The following NKAIN2 variants were observed in gnomAD, a reference collection of about 807,000 sequenced individuals.
NKAIN2 encodes sodium/potassium transporting ATPase interacting 2, also known as sodium/potassium-transporting ATPase subunit beta-1-interacting protein 2.
In NKAIN2, 14 loss-of-function variants were observed where a neutral mutation model predicts 32.6. The observed-to-expected ratio is 0.43, with a 90% confidence interval of 0.28 to 0.67. The LOEUF (loss-of-function observed/expected upper bound fraction) is 0.67, where lower values mean the gene tolerates loss of function less well. Ranked by LOEUF, NKAIN2 falls within the 30% of genes least tolerant of loss-of-function variation. The pLI is 0.17. For synonymous variants in NKAIN2, 80 were observed against 87.2 expected (o/e 0.92, Z 0.46); for missense variants, 198 against 258.3 (o/e 0.77, Z 1.60).
At chr6:123,818,544 A>C (rs1416799108) in intron 1 of NKAIN2, among the ~76,000 whole-genome samples, 1 of 152,212 alleles carries the variant, frequency 6.6e-6, no homozygotes, top group Non-Finnish European at 1.5e-5. Flanking sequence ...TTGCCAAAGA[A>C]GCATAATAAA....
intron 1 of NKAIN2, among the ~76,000 whole-genome samples, chr6:124,256,331 T>C (rs900880497): frequency 6.6e-6 from 1 of 152,218 alleles, no homozygotes; most frequent in African/African-American, 2.4e-5. Context: ...GGAGCTCTTA[T>C]GTACATATGT....
chr6:123,956,023 A>G (rs1380762733), intron 1 of NKAIN2, among the ~76,000 whole-genome samples: 1 of 152,228 alleles, frequency 6.6e-6, no homozygotes, highest in East Asian at 1.9e-4. Flanking sequence ...AAATGCATGG[A>G]TGCTTAACTT....
intron 3 of NKAIN2, among the ~76,000 whole-genome samples, chr6:124,557,724 C>T (rs187166028): frequency 2.3e-4 from 35 of 152,296 alleles, no homozygotes; most frequent in Non-Finnish European, 3.5e-4. Context: ...GCATAATTTA[C>T]GATGCCTGAC....
chr6:124,313,673 G>A (rs998765844), intron 2 of NKAIN2, among the ~76,000 whole-genome samples: 2 of 152,056 alleles, frequency 1.3e-5, no homozygotes, highest in Admixed American at 1.3e-4. Flanking sequence ...GTGGTATTGT[G>A]ATTTTCTCAC....
At chr6:124,358,913 A>G (rs1305918125) in intron 3 of NKAIN2, among the ~76,000 whole-genome samples, 14 of 151,232 alleles carry the variant, frequency 9.3e-5, no homozygotes, top group East Asian at 5.8e-4. Context: ...TAGGTCTAAC[A>G]TTTAAGTCTT....
rs572742166 is a variant in NKAIN2, at chr6:123,980,875, CT to C, written c.54+176634del. ...TGTTCTATGCTTTTTTTCACTTATC[CT>C]TTTTTTTTTTTTGAGATGGAGTCTT... On this transcript the variant is annotated intron_variant, in intron 1 of 6. Coordinates refer to ENST00000368417, the MANE Select transcript of NKAIN2 (RefSeq NM_001040214.3). 5.9e-3 allele frequency among the ~76,000 whole-genome samples: 842 copies of C among 142,810 alleles called. 9 individuals are homozygous for C. The highest frequency in any genetic ancestry group is 0.015 in the African/African-American group (605 of 39,234). 93.7% of individuals were successfully genotyped at this position (142,810 alleles called of 152,430 possible).
intron 1 of NKAIN2, among the ~76,000 whole-genome samples, chr6:124,175,323 A>T (rs1789102867): frequency 6.6e-6 from 1 of 152,204 alleles, no homozygotes. Context: ...AGGGAAAAAA[A>T]GAACAATATT....
intron 3 of NKAIN2, among the ~76,000 whole-genome samples, chr6:124,511,897 T>C (rs1444449200): frequency 6.6e-6 from 1 of 152,204 alleles, no homozygotes; most frequent in Non-Finnish European, 1.5e-5. Context: ...GACACACTTA[T>C]GCACCCTTGC....
intron 4 of NKAIN2, among the ~76,000 whole-genome samples, chr6:124,687,852 A>C (rs928815331): frequency 6.7e-6 from 1 of 149,828 alleles, no homozygotes; most frequent in Non-Finnish European, 1.5e-5. Context: ...TAAAGTATGC[A>C]ATACTGGAGA....
chr6:124,346,025 T>C (rs187926013), intron 2 of NKAIN2, among the ~76,000 whole-genome samples: 144 of 152,300 alleles, frequency 9.5e-4, no homozygotes, highest in African/African-American at 3.2e-3. Context: ...GAGATTGTGG[T>C]ATGTTGTGTC....
intron 1 of NKAIN2, among the ~76,000 whole-genome samples, chr6:123,817,220 T>C (rs1342806136): frequency 6.6e-6 from 1 of 152,182 alleles, no homozygotes; most frequent in Non-Finnish European, 1.5e-5. Flanking sequence ...TTTTTCTCAA[T>C]GTTCACAACA....
At chr6:124,759,768 G>A (rs191924181) in intron 4 of NKAIN2, among the ~76,000 whole-genome samples, 4 of 152,000 alleles carry the variant, frequency 2.6e-5, no homozygotes, top group Admixed American at 2.6e-4. Context: ...ATTTCCCAAT[G>A]CAACAGCGTT....
At chr6:123,832,572 C>G (rs1774432712) in intron 1 of NKAIN2, among the ~76,000 whole-genome samples, 1 of 152,134 alleles carries the variant, frequency 6.6e-6, no homozygotes, top group African/African-American at 2.4e-5. Context: ...AGTGGCTGTA[C>G]CGTTTCGCAT....
chr6:124,081,929 T>C (rs1783983871), intron 1 of NKAIN2, among the ~76,000 whole-genome samples: 1 of 152,096 alleles, frequency 6.6e-6, no homozygotes, highest in African/African-American at 2.4e-5. Flanking sequence ...CTTCAGTGTC[T>C]TGCTGAGCTT....
chr6:123,850,355 A>ATATAT (rs1554214465), intron 1 of NKAIN2, among the ~76,000 whole-genome samples: 101 of 133,480 alleles, frequency 7.6e-4, no homozygotes, highest in African/African-American at 2.5e-3. Context: ...AAAAAAAAAA[A>ATATAT]ATATATATAT....
chr6:124,799,738 G>T (rs923355129), intron 5 of NKAIN2, among the ~76,000 whole-genome samples: 1 of 152,184 alleles, frequency 6.6e-6, no homozygotes, highest in South Asian at 2.1e-4. Flanking sequence ...TACTGATGTT[G>T]TTTTAATAGC....
intron 4 of NKAIN2, among the ~76,000 whole-genome samples, chr6:124,725,235 C>A (rs1007229002): frequency 6.6e-6 from 1 of 152,120 alleles, no homozygotes; most frequent in Non-Finnish European, 1.5e-5. Flanking sequence ...AGAAAACTGG[C>A]TTTTCTTTTG....
At position 124,166,694 on chromosome 6, in the gene NKAIN2, A is replaced by G. The variant is rs1170778148; in HGVS notation, c.55-116311A>G. Reference sequence around the variant, plus strand: ...TAATCCATCTTGAATTAATTTTTGTATAAGGTGTAAGGAAGGGATCCAGTT... The same window carrying G: ...TAATCCATCTTGAATTAATTTTTGTGTAAGGTGTAAGGAAGGGATCCAGTT... On this transcript the variant is annotated intron_variant, in intron 1 of 6. Transcript: ENST00000368417. Among the ~76,000 whole-genome samples the G allele has an allele frequency of 3.3e-5, 5 of 152,000 alleles. No individual in the cohort carries two copies. In the South Asian group the frequency reaches 6.2e-4, roughly 19 times the overall value.
At chr6:124,322,806 G>A (rs997505825) in intron 2 of NKAIN2, among the ~76,000 whole-genome samples, 4 of 152,184 alleles carry the variant, frequency 2.6e-5, no homozygotes, top group Middle Eastern at 3.2e-3. Context: ...CATATGGTCA[G>A]TAGGCTTTTC....
Sources: gnomAD v4.1 joint callset for allele counts (sites outside exome capture counted in the v4.1 genomes callset) on GRCh38, gnomAD v4.1.1 for gene constraint, MANE v1.5 for transcripts, NCBI Gene and HGNC (gene_info 2026-07-23, HGNC 2026-07-21) for gene names.